Variants in MMP19 observed in about 807,000 individuals in gnomAD.
The protein encoded by MMP19 is matrix metalloproteinase-19.
In MMP19, 47 loss-of-function variants were observed where a neutral mutation model predicts 46.6. The observed-to-expected ratio is 1.01, with a 90% CI of 0.80 to 1.29. The LOEUF (loss-of-function observed/expected upper bound fraction) is 1.29, where lower values mean the gene tolerates loss of function less well. MMP19 is among the 50% of genes most tolerant of loss of function. MMP19 has a pLI of 0.00. For synonymous variants in MMP19, 222 were observed against 248.5 expected, an observed-to-expected ratio of 0.89 and a Z score of 1.00; for missense variants, 589 against 643.5, an observed-to-expected ratio of 0.92 and a Z score of 0.92.
At chr12:55,842,089 A>T (rs1478057527) in intron 2 of MMP19, among the ~76,000 whole-genome samples, 1 of 152,228 alleles carries the variant, frequency 6.6e-6, no homozygotes, top group Non-Finnish European at 1.5e-5. Context: ...GTGGACTATA[A>T]CTAAATATTA....
chr12:55,841,251 G>C lies in MMP19; in HGVS notation c.174-15C>G, dbSNP rs769189619. ...CCTGAAAAGCTCTGAAGGAGGGAGA[G>C]GGATGGGTCTACCAGGACAGGAAAA... On this transcript the variant is annotated splice_polypyrimidine_tract_variant and intron_variant, in intron 2 of 8. Transcript: ENST00000322569. The C allele has an allele frequency of 1.3e-5, 21 of 1,609,402 alleles. No homozygotes were observed. Among genetic ancestry groups the C allele is most frequent in the Non-Finnish European group, 1.7e-5 (20 of 1,178,828 alleles).
rs1881219325 is a variant in MMP19 at position 55,836,477 on chromosome 12, C to G, written c.*559G>C. ...AAACACAAATGTACCAGACACTGTG[C>G]CAGGCACTTCACATACAGTATTTCA... is the stretch of plus-strand genomic sequence containing the variant. On this transcript the variant is annotated 3_prime_UTR_variant, in exon 9 of 9. Transcript: ENST00000322569. The G allele has an allele frequency of 6.5e-6, 1 of 152,682 alleles. No homozygotes were observed. The highest frequency in any genetic ancestry group is 6.5e-5 in the Admixed American group (1 of 15,284). 9.5% of individuals were successfully genotyped at this position (152,682 alleles called of 1,614,324 possible).
chr12:55,840,592 T>A lies in MMP19; in HGVS notation c.520+75A>T, dbSNP rs1849932668. 17 of 1,444,676 alleles carry A rather than the reference T, an allele frequency of 1.2e-5. No homozygotes were observed. In the South Asian group the frequency reaches 2.1e-4, roughly 18 times the overall value. The allele number at this position is 1,444,676 out of a possible 1,614,324, so 89.5% of individuals were successfully genotyped here. On this transcript the variant is annotated intron_variant, in intron 4 of 8. Transcript: ENST00000322569. Reference sequence around the variant, plus strand: ...TAAAGAGCAGCCCAAACATCAAGGTTCTAGAGTCACTGGTTCAAGGAGACA... The same window carrying A: ...TAAAGAGCAGCCCAAACATCAAGGTACTAGAGTCACTGGTTCAAGGAGACA...
intron 6 of MMP19, 83 bp from the exon 7 acceptor site, chr12:55,838,090 A>G (rs1446082551): frequency 7.5e-7 from 1 of 1,327,914 alleles, no homozygotes; most frequent in Admixed American, 2.5e-5. Flanking sequence ...CTGACTAACA[A>G]TTTGCCCTCT....
At chr12:55,842,329 G>C (rs766824104) in intron 2 of MMP19, 24 bp downstream of exon 2, 4 of 1,590,098 alleles carry the variant, frequency 2.5e-6, no homozygotes, top group Non-Finnish European at 3.5e-6. Context: ...TAGCCCTAAA[G>C]GCATACACCT....
chr12:55,837,908 C>G lies in MMP19; in HGVS notation c.995G>C (p.Gly332Ala). Residue 332 changes from glycine (G) to alanine (A), a missense_variant, in exon 7 of 9, where the codon GGG (glycine) becomes GCG (alanine). Gly to Ala is a moderately conservative substitution (Grantham distance 60, BLOSUM62 0). Coordinates refer to ENST00000322569, the MANE Select transcript of MMP19 (RefSeq NM_002429.6). ...PLFRVSALWE[G>A]LPGNLDAAVY... ...AGCAGCATCCAGGTTTCCGGGGAGC[C>G]CCTCCCAAAGGGCAGACACTCGGAA... 1 of 1,613,322 alleles carries G rather than the reference C, an allele frequency of 6.2e-7. No homozygotes were observed. The highest frequency in any genetic ancestry group is 1.1e-5 in the South Asian group (1 of 91,042).
rs1881545451 is a variant in MMP19, at chr12:55,839,716, G to A, written c.546C>T (p.Ile182=). Residue 182 remains isoleucine, a synonymous_variant, in exon 5 of 9, where the codon ATC becomes ATT. Transcript: ENST00000322569. ...CGAAGTGCACACTGCCCAGCTCTGG[G>A]ATGTCGGCATGGGCCAGGACTCTCC... is the stretch of plus-strand genomic sequence containing the variant. ...GPGRVLAHAD[I]PELGSVHFDE... is the part of the protein sequence containing the mutation. 12 of 1,613,358 alleles carry A rather than the reference G, an allele frequency of 7.4e-6. No individual in the cohort carries two copies. The highest frequency in any genetic ancestry group is 2.2e-5 in the East Asian group (1 of 44,822).
intron 2 of MMP19, among the ~76,000 whole-genome samples, 167 bp downstream of exon 2, chr12:55,842,186 C>T (rs547640826): frequency 6.6e-6 from 1 of 152,280 alleles, no homozygotes; most frequent in Admixed American, 6.5e-5. Flanking sequence ...ATCTGTGAAT[C>T]CCCATCTCAC....
In MMP19 at chr12:55,837,319, G is replaced by A. The variant is rs770418664; in HGVS notation, c.1244C>T (p.Pro415Leu). 2 of 1,612,508 alleles carry A rather than the reference G, an allele frequency of 1.2e-6. No individual in the cohort carries two copies. The highest frequency in any genetic ancestry group is 1.7e-6 in the Non-Finnish European group (2 of 1,178,640). ...ELARTDFSSYPKPIKGLFTGV... is the reference protein window; with the variant it reads ...ELARTDFSSYLKPIKGLFTGV... ...CGTAAACAAACCCTTGATTGGTTTG[G>A]GGTAGCTGCTGAAGTCAGTTCGGGC... The change falls in exon 9 of 9, where the codon CCC becomes CTC. Residue 415 changes from proline to leucine, a missense_variant. Physicochemically the swap from Pro to Leu is moderately conservative, Grantham distance 98. Transcript: ENST00000322569.
In MMP19 at chr12:55,841,168, C is replaced by A. The variant is rs1200808784; in HGVS notation, c.242G>T (p.Arg81Met). ...ATCCTCTAGGCCACAACGAGGCTGC[C>A]TCATGCGGGCCCTTGTGGCATCATC... is the stretch of plus-strand genomic sequence containing the variant. ...QLDDATRARM[R>M]QPRCGLEDPF... Residue 81 changes from arginine to methionine, a missense_variant, in exon 3 of 9, where the codon AGG becomes ATG. Physicochemically the swap from Arg to Met is moderately conservative, Grantham distance 91. Coordinates refer to ENST00000322569, the MANE Select transcript of MMP19 (RefSeq NM_002429.6). 1.2e-6 allele frequency: 2 copies of A among 1,613,950 alleles called. No individual in the cohort carries two copies. Among genetic ancestry groups the A allele is most frequent in the East Asian group, 2.2e-5 (1 of 44,868 alleles).
At position 55,839,679 on chromosome 12, in the gene MMP19, A is replaced by G. The variant is rs139588326; in HGVS notation, c.583T>C (p.Phe195Leu). The G allele has an allele frequency of 6.8e-6, 11 of 1,614,012 alleles. No homozygotes were observed. Among genetic ancestry groups the G allele is most frequent in the Non-Finnish European group, 9.3e-6 (11 of 1,180,010 alleles). ...CCACGGTAGGTCCCCTCAGTCCAGA[A>G]CTCGTCTTCGTCGAAGTGCACACTG... is the stretch of plus-strand genomic sequence containing the variant. Reference protein sequence around the residue: ...LGSVHFDEDEFWTEGTYRGVN... With the variant: ...LGSVHFDEDELWTEGTYRGVN... Residue 195 changes from phenylalanine to leucine, a missense_variant, in exon 5 of 9, where the codon TTC becomes CTC. By Grantham distance (22) the Phe-to-Leu change is conservative (BLOSUM62 0). Coordinates refer to ENST00000322569, the MANE Select transcript of MMP19 (RefSeq NM_002429.6).
chr12:55,837,926 A>G lies in MMP19; in HGVS notation c.977T>C (p.Val326Ala), dbSNP rs1206497027. 3.1e-6 allele frequency: 5 copies of G among 1,613,254 alleles called. No individual in the cohort carries two copies. The highest frequency in any genetic ancestry group is 4.2e-6 in the Non-Finnish European group (5 of 1,179,326). ...GGGGAGCCCCTCCCAAAGGGCAGACACTCGGAACAAGGGGCCCGGTCCTGA... is the reference window on the plus strand; with the variant it reads ...GGGGAGCCCCTCCCAAAGGGCAGACGCTCGGAACAAGGGGCCCGGTCCTGA... ...SDSGPGPLFR[V>A]SALWEGLPGN... The change falls in exon 7 of 9, where the codon GTG becomes GCG. Residue 326 changes from valine (V) to alanine (A), a missense_variant. Coordinates refer to ENST00000322569, the MANE Select transcript of MMP19 (RefSeq NM_002429.6).
chr12:55,837,385 G>A lies in MMP19; in HGVS notation c.1189-11C>T. ...CCAGTACCCGGAGCCCTGGATATGG[G>A]ATGGGTGGGGAGAGGGGAGAGGAAG... On this transcript the variant is annotated splice_polypyrimidine_tract_variant and intron_variant, in intron 8 of 8. Transcript: ENST00000322569. 2 of 1,592,526 alleles carry A rather than the reference G, an allele frequency of 1.3e-6. No homozygotes were observed. Among genetic ancestry groups the A allele is most frequent in the Non-Finnish European group, 1.7e-6 (2 of 1,166,012 alleles).
intron 4 of MMP19, among the ~76,000 whole-genome samples, chr12:55,840,343 G>A (rs946800615): frequency 4.3e-5 from 6 of 138,596 alleles, no homozygotes; most frequent in Non-Finnish European, 9.3e-5. Flanking sequence ...AAGAAGGGAG[G>A]GAGGGAGGGA....
Position 55,836,853 on chromosome 12 carries a change from G to A in MMP19, c.*183C>T. 7.4e-6 allele frequency: 4 copies of A among 542,532 alleles called. No individual in the cohort carries two copies. The East Asian group carries it at 9.4e-5, about 13-fold the overall frequency. The allele number at this position is 542,532 out of a possible 1,614,324, so 33.6% of individuals were successfully genotyped here. On this transcript the variant is annotated 3_prime_UTR_variant, in exon 9 of 9. Coordinates refer to ENST00000322569, the MANE Select transcript of MMP19 (RefSeq NM_002429.6). Reference sequence around the variant, plus strand: ...AAAATGCACAGGAAAGTGGTGGCTGGAGTTGGAAGTGTTAGAGGCCTGAGA... The same window carrying A: ...AAAATGCACAGGAAAGTGGTGGCTGAAGTTGGAAGTGTTAGAGGCCTGAGA...
Position 55,842,848 on chromosome 12 carries a change from G to C in MMP19, c.-18C>G, listed in dbSNP as rs760606265. ...CAGTTCATGGTCCCACCAGACGAGA[G>C]CTCCAGAGGCTGTCCGTGCCTCTGA... On this transcript the variant is annotated 5_prime_UTR_variant, in exon 1 of 9. Coordinates refer to ENST00000322569, the MANE Select transcript of MMP19 (RefSeq NM_002429.6). 3 of 1,573,822 alleles carry C rather than the reference G, an allele frequency of 1.9e-6. No homozygotes were observed. The highest frequency in any genetic ancestry group is 2.6e-6 in the Non-Finnish European group (3 of 1,159,274).
intron 1 of MMP19, 134 bp downstream of exon 1, chr12:55,842,610 C>A: frequency 1.2e-6 from 1 of 867,658 alleles, no homozygotes; most frequent in Non-Finnish European, 1.9e-6. Flanking sequence ...GGGAGATGGG[C>A]AGGGTAGACC....
At chr12:55,839,807 A>T (rs1881555088) in intron 4 of MMP19, 66 bp from the exon 5 acceptor site, 1 of 1,523,502 alleles carries the variant, frequency 6.6e-7, no homozygotes, top group South Asian at 1.2e-5. Flanking sequence ...CACCCTGCCT[A>T]TTATAAACTC....
intron 5 of MMP19, among the ~76,000 whole-genome samples, chr12:55,839,241 CAAAAAAAAAA>C (rs763182567): frequency 3.4e-5 from 2 of 58,780 alleles, no homozygotes; most frequent in South Asian, 5.7e-4. Context: ...GGCTCTATCT[CAAAAAAAAAA>C]AAAAAAAAAA....
Sources: gnomAD v4.1 joint callset for allele counts (sites outside exome capture counted in the v4.1 genomes callset) on GRCh38, gnomAD v4.1.1 for gene constraint, MANE v1.5 for transcripts, NCBI Gene and HGNC (gene_info 2026-07-23, HGNC 2026-07-21) for gene names.